Variants in XRN1 observed in about 807,000 individuals in gnomAD.
The protein encoded by XRN1 is strand-exchange protein 1 homolog.
A neutral mutation model predicts 222.3 loss-of-function variants in XRN1; 67 were observed. The ratio of observed to expected loss-of-function variants is 0.30; its 90% CI spans 0.25 to 0.37. The LOEUF is 0.37. XRN1 is among the 10% of genes least tolerant of loss of function. The pLI is 1.00. For synonymous variants in XRN1, 643 were observed against 652.4 expected (o/e 0.99, Z 0.22); for missense variants, 1,707 against 2,000.2 (o/e 0.85, Z 2.80).
intron 33 of XRN1, among the ~76,000 whole-genome samples, chr3:142,339,645 AT>A (rs1250331530): frequency 6.6e-6 from 1 of 152,198 alleles, no homozygotes; most frequent in African/African-American, 2.4e-5. Context: ...AGAATTCAAA[AT>A]AACTGTTTTG....
At chr3:142,389,611 C>G (rs948329687) in intron 20 of XRN1, among the ~76,000 whole-genome samples, 1 of 152,110 alleles carries the variant, frequency 6.6e-6, no homozygotes, top group Non-Finnish European at 1.5e-5. Context: ...CCTCTGCCTC[C>G]CAGGTTCAAG....
chr3:142,313,268 C>T (rs769278192), intron 39 of XRN1: 8 of 1,403,892 alleles, frequency 5.7e-6, no homozygotes, highest in Admixed American at 4.3e-5. Flanking sequence ...TATTTGAAGT[C>T]AAGGCCTTTT....
chr3:142,311,280 T>C lies in XRN1; in HGVS notation c.*231A>G, dbSNP rs908734864. The C allele has an allele frequency of 5.3e-5, 18 of 339,920 alleles. No individual in the cohort carries two copies. The highest frequency in any genetic ancestry group is 6.9e-5 in the Non-Finnish European group (13 of 189,100). The allele number at this position is 339,920 out of a possible 1,614,324, so 21.1% of individuals were successfully genotyped here. A position where few individuals can be genotyped will look rare whatever the true frequency, so the allele number is the denominator to read the frequency against. ...GTTTAATTTAGTTTTTTATTACAGA[T>C]TTATTGAGGTATAATTGACATACAA... On this transcript the variant is annotated 3_prime_UTR_variant, in exon 41 of 41. Coordinates refer to ENST00000392981, the MANE Select transcript of XRN1 (RefSeq NM_001282857.2).
intron 29 of XRN1, among the ~76,000 whole-genome samples, chr3:142,361,974 T>A (rs1449860951): frequency 1.5e-5 from 2 of 136,872 alleles, no homozygotes; most frequent in Non-Finnish European, 3.1e-5. Flanking sequence ...TTTTTTTTTT[T>A]TTTTTTTTTT....
chr3:142,393,451 G>A (rs2067811451), intron 20 of XRN1, among the ~76,000 whole-genome samples: 1 of 146,912 alleles, frequency 6.8e-6, no homozygotes, highest in Non-Finnish European at 1.5e-5. Flanking sequence ...GGGTTTTTAT[G>A]GTTTTAGGTC....
chr3:142,416,202 A>T lies in XRN1; in HGVS notation c.1436+938T>A, dbSNP rs1176928071. On this transcript the variant is annotated intron_variant, in intron 13 of 40. Transcript: ENST00000392981. ...ATTTATTTATTTATTTGAGAGACAG[A>T]GTCTTGTTCTGCTGCCCAAGCTGGA... Among the ~76,000 whole-genome samples the T allele has an allele frequency of 2.0e-5, 3 of 152,144 alleles. No individual in the cohort carries two copies. The East Asian group carries it at 5.8e-4, about 29-fold the overall frequency.
chr3:142,421,253 T>A, intron 9 of XRN1, 100 bp from the exon 10 acceptor site: 4 of 1,169,660 alleles, frequency 3.4e-6, no homozygotes, highest in South Asian at 3.9e-5. Context: ...GTATAGGAAA[T>A]TGGAGAATGT....
chr3:142,433,329 G>C (rs2069712932), intron 1 of XRN1, among the ~76,000 whole-genome samples: 1 of 152,094 alleles, frequency 6.6e-6, no homozygotes, highest in Non-Finnish European at 1.5e-5. Context: ...TTTAACATAT[G>C]ATGTAAAGCC....
At chr3:142,408,700 G>A (rs1488470742) in intron 15 of XRN1, among the ~76,000 whole-genome samples, 2 of 152,010 alleles carry the variant, frequency 1.3e-5, no homozygotes, top group Admixed American at 1.3e-4. Context: ...CCCTCCTCTT[G>A]GTAAATATCT....
intron 20 of XRN1, among the ~76,000 whole-genome samples, chr3:142,393,809 T>G (rs921250519): frequency 6.6e-6 from 1 of 152,024 alleles, no homozygotes; most frequent in Non-Finnish European, 1.5e-5. Context: ...TCCAAACCAC[T>G]AAACTTTCTA....
Position 142,347,587 on chromosome 3 carries a change from T to G in XRN1, c.3769-245A>C, listed in dbSNP as rs2066181060. 2.0e-5 allele frequency among the ~76,000 whole-genome samples: 3 copies of G among 152,212 alleles called. No homozygotes were observed. In the South Asian group the frequency reaches 6.2e-4, roughly 32 times the overall value. Reference sequence around the variant, plus strand: ...GCAAGATATAAAGAAAACAATCATTTTATAAAAATGCTACTTTTTTTTTTT... The same window carrying G: ...GCAAGATATAAAGAAAACAATCATTGTATAAAAATGCTACTTTTTTTTTTT... On this transcript the variant is annotated intron_variant, in intron 32 of 40. Coordinates refer to ENST00000392981, the MANE Select transcript of XRN1 (RefSeq NM_001282857.2).
chr3:142,421,669 T>G (rs11720762), intron 8 of XRN1, 126 bp from the exon 9 acceptor site: 74,625 of 576,102 alleles, frequency 0.13, 4,931 homozygotes, highest in Non-Finnish European at 0.14. Context: ...AAAACAGTGT[T>G]GGACTATATC....
At chr3:142,364,201 C>T (rs2107859998) in intron 29 of XRN1, among the ~76,000 whole-genome samples, 1 of 152,322 alleles carries the variant, frequency 6.6e-6, no homozygotes, top group South Asian at 2.1e-4. Context: ...AAGCAGTTCT[C>T]TTCAGCTAGT....
At chr3:142,418,778 A>G (rs1452983179) in intron 11 of XRN1, 37 bp downstream of exon 11, 1 of 1,600,406 alleles carries the variant, frequency 6.2e-7, no homozygotes, top group Admixed American at 1.7e-5. Flanking sequence ...TATCCTGTCA[A>G]AGTAGTAACA....
At chr3:142,381,326 G>A (rs775053346) in intron 22 of XRN1, among the ~76,000 whole-genome samples, 4 of 151,992 alleles carry the variant, frequency 2.6e-5, no homozygotes, top group African/African-American at 4.8e-5. Context: ...TCACAGTACA[G>A]TTATTAAGTA....
In XRN1 at chr3:142,356,956, C is replaced by G; in HGVS notation, c.3628G>C (p.Gly1210Arg). ...SSSSVSSGHL[G>R]ALNHSPQSLF... ...GATTGAGGGGAATGGTTGAGGGCTC[C>G]CAAATGCCCAGAGGAAACTGATGAA... The change falls in exon 31 of 41, where the codon GGA (glycine) becomes CGA (arginine). Residue 1210 changes from glycine (G) to arginine (R), a missense_variant. Around this residue, in one of 2 missense-constraint regions of XRN1, gnomAD observed 1,234 missense variants for 1,518.2 expected, o/e 0.81. Coordinates refer to ENST00000392981, the MANE Select transcript of XRN1 (RefSeq NM_001282857.2). The G allele has an allele frequency of 6.2e-7, 1 of 1,614,008 alleles. No individual in the cohort carries two copies.
At chr3:142,409,392 T>C (rs1232154579) in intron 15 of XRN1, among the ~76,000 whole-genome samples, 1 of 152,236 alleles carries the variant, frequency 6.6e-6, no homozygotes, top group African/African-American at 2.4e-5. Context: ...TTCACAAATA[T>C]AGCCAGTTGT....
chr3:142,381,430 T>C (rs1324131461), intron 22 of XRN1, among the ~76,000 whole-genome samples: 1 of 152,184 alleles, frequency 6.6e-6, no homozygotes, highest in Non-Finnish European at 1.5e-5. Flanking sequence ...TAGAACTATT[T>C]TCTTCCTTTA....
At chr3:142,351,892 T>C (rs1365418780) in intron 32 of XRN1, among the ~76,000 whole-genome samples, 1 of 149,168 alleles carries the variant, frequency 6.7e-6, no homozygotes, top group African/African-American at 2.5e-5. Context: ...AAGAAGAACA[T>C]TTTTTTTTAA....
Sources: gnomAD v4.1 joint callset for allele counts (sites outside exome capture counted in the v4.1 genomes callset) on GRCh38, gnomAD v4.1.1 for gene constraint, gnomAD v4.1.1 regional missense constraint, MANE v1.5 for transcripts, NCBI Gene and HGNC (gene_info 2026-07-23, HGNC 2026-07-21) for gene names.